Variants in PPM1E observed in about 807,000 individuals in gnomAD.
The protein encoded by PPM1E is protein phosphatase, Mg2+/Mn2+ dependent 1E.
PPM1E carries 20 observed loss-of-function variants against 65.9 expected under a neutral mutation model. The ratio of observed to expected loss-of-function variants is 0.30; its 90% confidence interval spans 0.21 to 0.44. PPM1E has a LOEUF of 0.44. PPM1E is among the 20% of genes least tolerant of loss of function. The pLI is 1.00. For missense variants in PPM1E, 713 were observed against 953.1 expected, an observed-to-expected ratio of 0.75 and a Z score of 3.32; for synonymous variants, 352 against 374.9, an observed-to-expected ratio of 0.94 and a Z score of 0.70.
intron 1 of PPM1E, among the ~76,000 whole-genome samples, chr17:58,860,801 G>A (rs185254240): frequency 2.0e-5 from 3 of 152,122 alleles, no homozygotes; most frequent in African/African-American, 2.4e-5. Context: ...AAAATTAGCC[G>A]GGCATGGTGC....
intron 1 of PPM1E, among the ~76,000 whole-genome samples, chr17:58,797,055 C>T (rs2143033993): frequency 6.6e-6 from 1 of 152,254 alleles, no homozygotes; most frequent in Middle Eastern, 3.4e-3. Context: ...TTGCAGTGAG[C>T]TGAGATCACG....
At chr17:58,881,082 T>C (rs1477376754) in intron 1 of PPM1E, among the ~76,000 whole-genome samples, 1 of 152,226 alleles carries the variant, frequency 6.6e-6, no homozygotes, top group Admixed American at 6.5e-5. Context: ...TTTGCAATCC[T>C]AATTAAGGAT....
intron 1 of PPM1E, among the ~76,000 whole-genome samples, chr17:58,871,735 GGA>G (rs1203851777): frequency 1.3e-5 from 2 of 151,456 alleles, no homozygotes; most frequent in Admixed American, 6.6e-5. Context: ...TGAATCATTT[GGA>G]CCTCGGAAGT....
intron 2 of PPM1E, among the ~76,000 whole-genome samples, chr17:58,964,005 C>A (rs984732441): frequency 6.6e-6 from 1 of 152,250 alleles, no homozygotes; most frequent in African/African-American, 2.4e-5. Flanking sequence ...TTAATATAGC[C>A]ATTTAAAAAA....
chr17:58,969,369 T>C (rs1274056730), intron 3 of PPM1E, 170 bp from the exon 4 acceptor site: 2 of 728,548 alleles, frequency 2.7e-6, no homozygotes, highest in Admixed American at 2.0e-5. Context: ...ATATTGCAGG[T>C]ATTTCAGCAG....
intron 1 of PPM1E, among the ~76,000 whole-genome samples, chr17:58,828,135 C>G (rs1201398426): frequency 2.6e-5 from 4 of 151,496 alleles, no homozygotes; most frequent in Non-Finnish European, 5.9e-5. Flanking sequence ...AGGAGAATCA[C>G]TTGAACCTAG....
At chr17:58,898,689 A>G (rs1285868760) in intron 1 of PPM1E, among the ~76,000 whole-genome samples, 1 of 152,164 alleles carries the variant, frequency 6.6e-6, no homozygotes, top group Admixed American at 6.5e-5. Context: ...AAATCATACT[A>G]CTATAAAGAC....
chr17:58,821,342 C>T (rs571740235), intron 1 of PPM1E, among the ~76,000 whole-genome samples: 2 of 152,182 alleles, frequency 1.3e-5, no homozygotes, highest in Non-Finnish European at 2.9e-5. Context: ...GATCTCCTGA[C>T]CTTCTGATCC....
At chr17:58,857,398 T>C (rs982045419) in intron 1 of PPM1E, among the ~76,000 whole-genome samples, 3 of 152,154 alleles carry the variant, frequency 2.0e-5, no homozygotes, top group Non-Finnish European at 2.9e-5. Flanking sequence ...ACTATGTCGG[T>C]AGCAGTTTTA....
chr17:58,827,529 C>T (rs1367991828), intron 1 of PPM1E, among the ~76,000 whole-genome samples: 1 of 152,122 alleles, frequency 6.6e-6, no homozygotes, highest in Non-Finnish European at 1.5e-5. Context: ...TCTTTTAAGC[C>T]ATTTGAATAT....
rs116346882 is a variant in PPM1E, at chr17:58,975,022, T to C, written c.1210+2097T>C. Among the ~76,000 whole-genome samples the C allele has an allele frequency of 3.6e-3, 541 of 152,294 alleles. 3 individuals are homozygous for C. Among genetic ancestry groups the C allele is most frequent in the African/African-American group, 0.012 (513 of 41,546 alleles). ...TACCCTTATATGGAATTATTATTAT[T>C]ATTATTGGTGGGGAAAAGTCTTTAT... On this transcript the variant is annotated intron_variant, in intron 6 of 6. Transcript: ENST00000308249.
chr17:58,855,737 A>T (rs1265455161), intron 1 of PPM1E, among the ~76,000 whole-genome samples: 2 of 152,230 alleles, frequency 1.3e-5, no homozygotes. Flanking sequence ...ATTTTAGTTC[A>T]TAATAGTAAC....
chr17:58,906,255 G>A (rs558907576), intron 1 of PPM1E, among the ~76,000 whole-genome samples: 11 of 152,164 alleles, frequency 7.2e-5, no homozygotes, highest in Non-Finnish European at 1.6e-4. Flanking sequence ...AGTTAGCCTG[G>A]CTAGAGGCTT....
chr17:58,943,749 G>A (rs911109414), intron 1 of PPM1E, among the ~76,000 whole-genome samples: 22 of 152,268 alleles, frequency 1.4e-4, no homozygotes, highest in African/African-American at 4.8e-4. Flanking sequence ...GTGCTAAGAA[G>A]CCCTGCAGGT....
intron 1 of PPM1E, among the ~76,000 whole-genome samples, chr17:58,928,464 C>T (rs2051851450): frequency 6.6e-6 from 1 of 151,892 alleles, no homozygotes; most frequent in Non-Finnish European, 1.5e-5. Context: ...ATTATACACC[C>T]ATCAGAATTG....
chr17:58,778,939 TATATATATATATATATATATATGTA>T lies in PPM1E; in HGVS notation c.464+22479_464+22503del, dbSNP rs998158915. On this transcript the variant is annotated intron_variant, in intron 1 of 6. Coordinates refer to ENST00000308249, the MANE Select transcript of PPM1E (RefSeq NM_014906.5). ...GAGATGATACATACATATATATATA[TATATATATATATATATATATATGTA>T]GTATTGTGCCCTGCTTTTTTCCTTC... Among the ~76,000 whole-genome samples the T allele has an allele frequency of 1.7e-4, 24 of 140,452 alleles. 1 individual carries two copies. The highest frequency in any genetic ancestry group is 5.8e-4 in the African/African-American group (23 of 39,382). The allele number at this position is 140,452 out of a possible 152,430, so 92.1% of individuals were successfully genotyped here. A position where few individuals can be genotyped will look rare whatever the true frequency, so the allele number is the denominator to read the frequency against.
chr17:58,975,767 G>C (rs1472848440), intron 6 of PPM1E, among the ~76,000 whole-genome samples: 1 of 152,170 alleles, frequency 6.6e-6, no homozygotes, highest in Non-Finnish European at 1.5e-5. Context: ...TACGCAGAGG[G>C]GCCACAGGGT....
At chr17:58,954,602 G>A (rs1246148570) in intron 1 of PPM1E, among the ~76,000 whole-genome samples, 1 of 152,096 alleles carries the variant, frequency 6.6e-6, no homozygotes, top group African/African-American at 2.4e-5. Flanking sequence ...TATTGGCCAG[G>A]CGCAGTGGCT....
chr17:58,870,758 G>A (rs140926278), intron 1 of PPM1E, among the ~76,000 whole-genome samples: 72 of 152,288 alleles, frequency 4.7e-4, no homozygotes, highest in Non-Finnish European at 6.2e-4. Context: ...AAGATGTGCC[G>A]TAAGTATTAA....
Sources: gnomAD v4.1 joint callset for allele counts (sites outside exome capture counted in the v4.1 genomes callset) on GRCh38, gnomAD v4.1.1 for gene constraint, MANE v1.5 for transcripts, NCBI Gene and HGNC (gene_info 2026-07-23, HGNC 2026-07-21) for gene names.